Variants in BTG2 observed in about 807,000 individuals in gnomAD.
BTG2 encodes BTG anti-proliferation factor 2.
Under a neutral mutation model 13.1 loss-of-function variants are expected in BTG2, and 9 were observed. The ratio of observed to expected loss-of-function variants is 0.69; its 90% CI spans 0.41 to 1.20. The LOEUF is 1.20. Ranked by LOEUF, BTG2 falls within the 50% of genes most tolerant of loss-of-function variation. The pLI is 0.00. For synonymous variants in BTG2, 92 were observed against 88.6 expected, an observed-to-expected ratio of 1.04 and a Z score of -0.21; for missense variants, 200 against 209.5, an observed-to-expected ratio of 0.95 and a Z score of 0.28.
intron 1 of BTG2, among the ~76,000 whole-genome samples, chr1:203,305,971 CT>C: frequency 6.6e-6 from 1 of 152,322 alleles, no homozygotes; most frequent in African/African-American, 2.4e-5. Context: ...GGGCGCGCCC[CT>C]CTACGCTCTC....
Position 203,307,516 on chromosome 1 carries a change from A to T in BTG2, c.*78A>T. ...GGCCACCACATACCTCAACCTGGGG[A>T]ACTGTATTTTTAAATGAAGAGCTAT... On this transcript the variant is annotated 3_prime_UTR_variant, in exon 2 of 2. Coordinates refer to ENST00000290551, the MANE Select transcript of BTG2 (RefSeq NM_006763.3). 2 of 1,205,604 alleles carry T rather than the reference A, an allele frequency of 1.7e-6. No homozygotes were observed. The highest frequency in any genetic ancestry group is 2.3e-6 in the Non-Finnish European group (2 of 874,632). The allele number at this position is 1,205,604 out of a possible 1,614,324, so 74.7% of individuals were successfully genotyped here. A position where few individuals can be genotyped will look rare whatever the true frequency, so the allele number is the denominator to read the frequency against.
In BTG2 at chr1:203,305,559, C is replaced by T. The variant is rs918372024; in HGVS notation, c.-48C>T. ...GCCAGGGTAACGCTGTCTTGTGGAC[C>T]CGCACTTCCCACCCGAGACCTCTCA... On this transcript the variant is annotated 5_prime_UTR_variant, in exon 1 of 2. Transcript: ENST00000290551. The T allele has an allele frequency of 1.9e-6, 3 of 1,573,022 alleles. No individual in the cohort carries two copies. Among genetic ancestry groups the T allele is most frequent in the African/African-American group, 2.7e-5 (2 of 73,280 alleles).
rs918372024 is a variant in BTG2, at chr1:203,305,559, C to G, written c.-48C>G. ...GCCAGGGTAACGCTGTCTTGTGGAC[C>G]CGCACTTCCCACCCGAGACCTCTCA... On this transcript the variant is annotated 5_prime_UTR_variant, in exon 1 of 2. Coordinates refer to ENST00000290551, the MANE Select transcript of BTG2 (RefSeq NM_006763.3). 3 of 1,573,022 alleles carry G rather than the reference C, an allele frequency of 1.9e-6. No homozygotes were observed. Among genetic ancestry groups the G allele is most frequent in the African/African-American group, 1.4e-5 (1 of 73,280 alleles).
rs1558184118 is a variant in BTG2 at position 203,307,484 on chromosome 1, G to A, written c.*46G>A. 2.0e-6 allele frequency: 3 copies of A among 1,483,600 alleles called. No homozygotes were observed. Among genetic ancestry groups the A allele is most frequent in the Non-Finnish European group, 2.7e-6 (3 of 1,097,260 alleles). The allele number at this position is 1,483,600 out of a possible 1,614,324, so 91.9% of individuals were successfully genotyped here. Reference sequence around the variant, plus strand: ...GGCGCCGCCGTGCTCATGCTGCCGTGACAACAGGCCACCACATACCTCAAC... The same window carrying A: ...GGCGCCGCCGTGCTCATGCTGCCGTAACAACAGGCCACCACATACCTCAAC... On this transcript the variant is annotated 3_prime_UTR_variant, in exon 2 of 2. Transcript: ENST00000290551.
In BTG2 at chr1:203,307,412, A is replaced by T. The variant is rs776247555; in HGVS notation, c.451A>T (p.Asn151Tyr). Residue 151 changes from asparagine to tyrosine, a missense_variant, in exon 2 of 2, where the codon AAC becomes TAC. Physicochemically the swap from Asn to Tyr is moderately radical, Grantham distance 143. Coordinates refer to ENST00000290551, the MANE Select transcript of BTG2 (RefSeq NM_006763.3). ...GCTGGGCCGGAGCAGCCCCTCCAAG[A>T]ACTACGTGATGGCAGTCTCCAGCTA... is the stretch of plus-strand genomic sequence containing the variant. Reference protein sequence around the residue: ...VLLGRSSPSKNYVMAVSS With the variant: ...VLLGRSSPSKYYVMAVSS The T allele has an allele frequency of 6.3e-7, 1 of 1,597,860 alleles. No homozygotes were observed. The highest frequency in any genetic ancestry group is 1.1e-5 in the South Asian group (1 of 90,324).
At chr1:203,305,793 A>C (rs1266764329) in intron 1 of BTG2, 45 bp downstream of exon 1, 2 of 1,526,986 alleles carry the variant, frequency 1.3e-6, no homozygotes, top group Non-Finnish European at 1.8e-6. Flanking sequence ...GGTCGGCCCC[A>C]TCCCTGCCAG....
intron 1 of BTG2, among the ~76,000 whole-genome samples, chr1:203,306,800 GCACACA>G (rs34485564): frequency 7.7e-5 from 11 of 142,782 alleles, no homozygotes; most frequent in South Asian, 4.4e-4. Flanking sequence ...CTCCCAACAC[GCACACA>G]CACACACACA....
rs866592912 is a variant in BTG2, at chr1:203,309,115, C to T, written c.*1677C>T. On this transcript the variant is annotated 3_prime_UTR_variant, in exon 2 of 2. Transcript: ENST00000290551. ...ACTCAAAGGTGCTATTTACCAAACA[C>T]TCTCCCTACCCATTCCTGCCAGCTC... 28 of 152,688 alleles carry T rather than the reference C, an allele frequency of 1.8e-4. No homozygotes were observed. The highest frequency in any genetic ancestry group is 6.8e-4 in the African/African-American group (28 of 41,450). The allele number at this position is 152,688 out of a possible 1,614,324, so 9.5% of individuals were successfully genotyped here. A position where few individuals can be genotyped will look rare whatever the true frequency, so the allele number is the denominator to read the frequency against.
At chr1:203,306,800 G>GCACACACACA (rs34485564) in intron 1 of BTG2, among the ~76,000 whole-genome samples, 2 of 142,782 alleles carry the variant, frequency 1.4e-5, no homozygotes, top group Non-Finnish European at 3.0e-5. Context: ...CTCCCAACAC[G>GCACACACACA]CACACACACA....
Position 203,307,493 on chromosome 1 carries a change from C to A in BTG2, c.*55C>A. 1 of 1,359,464 alleles carries A rather than the reference C, an allele frequency of 7.4e-7. No homozygotes were observed. The highest frequency in any genetic ancestry group is 1.0e-6 in the Non-Finnish European group (1 of 995,870). The allele number at this position is 1,359,464 out of a possible 1,614,324, so 84.2% of individuals were successfully genotyped here. ...GTGCTCATGCTGCCGTGACAACAGG[C>A]CACCACATACCTCAACCTGGGGAAC... On this transcript the variant is annotated 3_prime_UTR_variant, in exon 2 of 2. Transcript: ENST00000290551.
chr1:203,306,046 AC>A (rs1658254936), intron 1 of BTG2, among the ~76,000 whole-genome samples: 1 of 151,960 alleles, frequency 6.6e-6, no homozygotes. Context: ...CTGTCTCATT[AC>A]GGGCTCGTCT....
At chr1:203,306,169 A>T (rs551717330) in intron 1 of BTG2, among the ~76,000 whole-genome samples, 1 of 152,104 alleles carries the variant, frequency 6.6e-6, no homozygotes, top group African/African-American at 2.4e-5. Context: ...CTTTTCAACA[A>T]TTTGGAGTCC....
Position 203,307,201 on chromosome 1 carries a change from G to A in BTG2, c.240G>A (p.Arg80=), listed in dbSNP as rs374866363. 4.2e-5 allele frequency: 67 copies of A among 1,614,234 alleles called. No homozygotes were observed. The African/African-American group carries it at 8.5e-4, about 21-fold the overall frequency. The change falls in exon 2 of 2, where the codon AGG becomes AGA. Residue 80 remains arginine (R), a synonymous_variant. Coordinates refer to ENST00000290551, the MANE Select transcript of BTG2 (RefSeq NM_006763.3). ...ACAAGATGGACCCCATCATCAGCAG[G>A]GTGGCCAGCCAGATCGGACTCAGCC... ...INHKMDPIIS[R]VASQIGLSQP... is the part of the protein sequence containing the mutation.
intron 1 of BTG2, among the ~76,000 whole-genome samples, chr1:203,305,977 G>A (rs545694203): frequency 3.3e-5 from 5 of 152,236 alleles, no homozygotes; most frequent in East Asian, 1.9e-4. Flanking sequence ...GCCCCTCTAC[G>A]CTCTCGGAGG....
intron 1 of BTG2, among the ~76,000 whole-genome samples, chr1:203,306,892 G>A (rs974032018): frequency 1.3e-5 from 2 of 150,470 alleles, no homozygotes; most frequent in African/African-American, 4.9e-5. Flanking sequence ...ACATACACTT[G>A]TCCTGGAAGC....
In BTG2 at chr1:203,307,437, A is replaced by C. The variant is rs1327140847; in HGVS notation, c.476A>C (p.Ter159SerextTer42). 1 of 1,575,932 alleles carries C rather than the reference A, an allele frequency of 6.3e-7. No individual in the cohort carries two copies. Among genetic ancestry groups the C allele is most frequent in the Non-Finnish European group, 8.6e-7 (1 of 1,156,250 alleles). ...AACTACGTGATGGCAGTCTCCAGCT[A>C]GGCCCTTCCGCCCCCGCCCTGGGCG... ...SKNYVMAVSS[*>S] Residue 159 changes from the stop codon to serine (S), a stop_lost, in exon 2 of 2, where the codon TAG becomes TCG. Transcript: ENST00000290551.
At chr1:203,305,858 C>T (rs1437458692) in intron 1 of BTG2, 110 bp downstream of exon 1, 42 of 1,411,032 alleles carry the variant, frequency 3.0e-5, no homozygotes, top group Non-Finnish European at 3.7e-5. Flanking sequence ...AGCTTTGGGA[C>T]TCGGTGGCCC....
At chr1:203,305,964 C>CG (rs1367078051) in intron 1 of BTG2, among the ~76,000 whole-genome samples, 2 of 152,142 alleles carry the variant, frequency 1.3e-5, no homozygotes, top group South Asian at 2.1e-4. Flanking sequence ...TCTGATGGGG[C>CG]GCGCCCCTCT....
intron 1 of BTG2, 117 bp downstream of exon 1, chr1:203,305,865 G>A (rs933622752): frequency 2.2e-6 from 3 of 1,384,616 alleles, no homozygotes; most frequent in African/African-American, 3.0e-5. Context: ...GGACTCGGTG[G>A]CCCTCCTCCG....
Sources: gnomAD v4.1 joint callset for allele counts (sites outside exome capture counted in the v4.1 genomes callset) on GRCh38, gnomAD v4.1.1 for gene constraint, MANE v1.5 for transcripts, NCBI Gene and HGNC (gene_info 2026-07-23, HGNC 2026-07-21) for gene names.